Variants in TCTN2 observed in about 807,000 individuals in gnomAD.
TCTN2 encodes tectonic family member 2.
A neutral mutation model predicts 83.4 loss-of-function variants in TCTN2; 66 were observed. The observed-to-expected ratio is 0.79, with a 90% CI of 0.65 to 0.97. The LOEUF (loss-of-function observed/expected upper bound fraction) is 0.97, where lower values mean the gene tolerates loss of function less well. Ranked by LOEUF, TCTN2 falls within the 50% of genes least tolerant of loss-of-function variation. The probability of loss-of-function intolerance (pLI) is 0.00; values close to 1 mark genes in which losing one functional copy is unlikely to be tolerated. For missense variants in TCTN2, 794 were observed against 858.1 expected (o/e 0.93, Z 0.93); for synonymous variants, 301 against 326.7 (o/e 0.92, Z 0.85).
intron 5 of TCTN2, among the ~76,000 whole-genome samples, chr12:123,685,048 TC>T (rs1955947295): frequency 7.2e-6 from 1 of 138,820 alleles, no homozygotes. Context: ...AGACTCCATC[TC>T]AAAAAAAAAA....
chr12:123,689,698 C>T (rs965749405), intron 7 of TCTN2, among the ~76,000 whole-genome samples: 20 of 152,142 alleles, frequency 1.3e-4, no homozygotes, highest in African/African-American at 4.8e-4. Flanking sequence ...GTATAAAAAA[C>T]AATGGTTAGA....
chr12:123,695,259 A>G lies in TCTN2; in HGVS notation c.1274A>G (p.Tyr425Cys), dbSNP rs1304326508. The G allele has an allele frequency of 6.3e-7, 1 of 1,583,130 alleles. No homozygotes were observed. The highest frequency in any genetic ancestry group is 1.7e-5 in the Admixed American group (1 of 59,930). Residue 425 changes from tyrosine (Y) to cysteine (C), a missense_variant, in exon 11 of 18, where the codon TAT becomes TGT. Tyr to Cys is a radical substitution (Grantham distance 194). Transcript: ENST00000303372. Reference protein sequence around the residue: ...TQRFVVKFLSYNSGNEEELSG... With the variant: ...TQRFVVKFLSCNSGNEEELSG... Reference sequence around the variant, plus strand: ...AGATTTGTAGTAAAATTTTTAAGCTATAATAGTGGTAATGAAGAAGAATTA... The same window carrying G: ...AGATTTGTAGTAAAATTTTTAAGCTGTAATAGTGGTAATGAAGAAGAATTA...
intron 8 of TCTN2, among the ~76,000 whole-genome samples, chr12:123,691,875 G>A (rs1956046560): frequency 6.6e-6 from 1 of 150,762 alleles, no homozygotes; most frequent in Non-Finnish European, 1.5e-5. Context: ...GAGATTACAG[G>A]CATGTGCCAC....
At chr12:123,700,078 C>A (rs1956154629) in intron 14 of TCTN2, 2 of 528,240 alleles carry the variant, frequency 3.8e-6, no homozygotes, top group Non-Finnish European at 6.8e-6. Flanking sequence ...GTGGTGCAAT[C>A]ACAGCTCATT....
At chr12:123,690,464 G>A in intron 7 of TCTN2, 69 bp from the exon 8 acceptor site, 3 of 1,607,428 alleles carry the variant, frequency 1.9e-6, no homozygotes, top group Non-Finnish European at 2.6e-6. Context: ...CAGTTTTAAG[G>A]GATGCTGATC....
chr12:123,678,872 A>C lies in TCTN2; in HGVS notation c.464-317A>C, dbSNP rs113812036. ...GAGTATAGTGGCACGATCTCGGCTC[A>C]CTGCAAGCTCCGCCTCCCGGGTTCA... On this transcript the variant is annotated intron_variant, in intron 4 of 17. Transcript: ENST00000303372. 0.013 allele frequency among the ~76,000 whole-genome samples: 1,895 copies of C among 151,162 alleles called. 41 individuals are homozygous for C. Among genetic ancestry groups the C allele is most frequent in the African/African-American group, 0.043 (1,774 of 41,088 alleles).
chr12:123,694,844 A>G lies in TCTN2; in HGVS notation c.1102A>G (p.Thr368Ala). The change falls in exon 10 of 18, where the codon ACT becomes GCT. Residue 368 changes from threonine to alanine, a missense_variant and splice_region_variant. Coordinates refer to ENST00000303372, the MANE Select transcript of TCTN2 (RefSeq NM_024809.5). The part of the protein sequence containing the change: ...DLDKFITNTE[T>A]PLNNGSTPRI... ...TGAACATATTCTTGTATTTGCAGAA[A>G]CTCCTTTAAATAACGGATCAACCCC... The G allele has an allele frequency of 6.2e-7, 1 of 1,611,646 alleles. No individual in the cohort carries two copies. The highest frequency in any genetic ancestry group is 8.5e-7 in the Non-Finnish European group (1 of 1,178,270).
At position 123,707,761 on chromosome 12, in the gene TCTN2, G is replaced by A; in HGVS notation, c.*48G>A. On this transcript the variant is annotated 3_prime_UTR_variant, in exon 18 of 18. Transcript: ENST00000303372. Reference sequence around the variant, plus strand: ...TTTGAGATGGAGTTTTGCTCTTGTTGCCCAGGCTGAAGTGATCTCGGCTCA... The same window carrying A: ...TTTGAGATGGAGTTTTGCTCTTGTTACCCAGGCTGAAGTGATCTCGGCTCA... 6.8e-7 allele frequency: 1 copy of A among 1,471,098 alleles called. No homozygotes were observed. Among genetic ancestry groups the A allele is most frequent in the Non-Finnish European group, 9.5e-7 (1 of 1,051,582 alleles). 91.1% of individuals were successfully genotyped at this position (1,471,098 alleles called of 1,614,324 possible).
In TCTN2 at chr12:123,690,750, C is replaced by A. The variant is rs902740215; in HGVS notation, c.1033+76C>A. On this transcript the variant is annotated intron_variant, in intron 8 of 17. Coordinates refer to ENST00000303372, the MANE Select transcript of TCTN2 (RefSeq NM_024809.5). The stretch of plus-strand genomic sequence containing the variant: ...AGTATGATCTCATGAGAGTATAAAT[C>A]ATTTCTACTGGTTCAACTTCAAATA... The A allele has an allele frequency of 3.2e-6, 5 of 1,541,600 alleles. No homozygotes were observed. The South Asian group carries it at 3.4e-5, about 10-fold the overall frequency.
At chr12:123,704,430 G>A (rs1956205871) in intron 14 of TCTN2, 102 bp from the exon 15 acceptor site, 2 of 1,244,554 alleles carry the variant, frequency 1.6e-6, no homozygotes, top group South Asian at 1.3e-5. Context: ...CCTCATTAAT[G>A]TGATGCCTGC....
At chr12:123,700,678 GC>G (rs1956162994) in intron 14 of TCTN2, among the ~76,000 whole-genome samples, 1 of 152,238 alleles carries the variant, frequency 6.6e-6, no homozygotes, top group Non-Finnish European at 1.5e-5. Context: ...TGATCCACCT[GC>G]CTCGGCCTCC....
At chr12:123,674,208 G>T (rs1342868009) in intron 4 of TCTN2, among the ~76,000 whole-genome samples, 1 of 151,440 alleles carries the variant, frequency 6.6e-6, no homozygotes, top group Non-Finnish European at 1.5e-5. Flanking sequence ...TCTACTGTTT[G>T]CATCTTTATA....
intron 11 of TCTN2, 149 bp from the exon 12 acceptor site, chr12:123,696,266 C>G: frequency 1.5e-6 from 1 of 682,746 alleles, no homozygotes; most frequent in Non-Finnish European, 2.7e-6. Context: ...TTTTTGAGAC[C>G]CGAAGTTGCC....
In TCTN2 at chr12:123,704,004, C is replaced by CT. The variant is rs11348520; in HGVS notation, c.1613-507dup. On this transcript the variant is annotated intron_variant, in intron 14 of 17. Coordinates refer to ENST00000303372, the MANE Select transcript of TCTN2 (RefSeq NM_024809.5). ...AGTGACTGGCTAACATACAAGGAAA[C>CT]TTTTTTTTTTTTTTTTTTTTTGAGA... Among the ~76,000 whole-genome samples the CT allele has an allele frequency of 6.7e-3, 741 of 110,158 alleles. 6 individuals carry two copies. Among genetic ancestry groups the CT allele is most frequent in the East Asian group, 0.03 (129 of 4,304 alleles). 72.3% of individuals were successfully genotyped at this position (110,158 alleles called of 152,430 possible). A position where few individuals can be genotyped will look rare whatever the true frequency, so the allele number is the denominator to read the frequency against.
At chr12:123,704,004 CTTTT>C (rs11348520) in intron 14 of TCTN2, among the ~76,000 whole-genome samples, 133 of 110,180 alleles carry the variant, frequency 1.2e-3, no homozygotes, top group African/African-American at 4.4e-3. Context: ...TACAAGGAAA[CTTTT>C]TTTTTTTTTT....
rs781699024 is a variant in TCTN2, at chr12:123,696,439, G to A, written c.1337G>A (p.Arg446Gln). 23 of 1,613,948 alleles carry A rather than the reference G, an allele frequency of 1.4e-5. No homozygotes were observed. The highest frequency in any genetic ancestry group is 1.1e-4 in the East Asian group (5 of 44,894). Residue 446 changes from arginine (R) to glutamine (Q), a missense_variant, in exon 12 of 18, where the codon CGA becomes CAA. Coordinates refer to ENST00000303372, the MANE Select transcript of TCTN2 (RefSeq NM_024809.5). ...NPGYQLGKPV[R>Q]ALNINRMNNV... Reference sequence around the variant, plus strand: ...GGTTACCAACTTGGCAAGCCTGTCCGAGCTCTAAATATCAACAGGATGAAT... The same window carrying A: ...GGTTACCAACTTGGCAAGCCTGTCCAAGCTCTAAATATCAACAGGATGAAT...
intron 4 of TCTN2, among the ~76,000 whole-genome samples, chr12:123,675,608 A>G (rs1249145786): frequency 6.6e-6 from 1 of 152,208 alleles, no homozygotes; most frequent in African/African-American, 2.4e-5. Flanking sequence ...AAAGGCCTCC[A>G]TGATGAATGA....
At chr12:123,692,788 A>G (rs1956059320) in intron 9 of TCTN2, 65 bp downstream of exon 9, 4 of 1,241,820 alleles carry the variant, frequency 3.2e-6, no homozygotes, top group Admixed American at 3.4e-5. Context: ...TACAAGTAAT[A>G]TATACCCTCA....
At chr12:123,683,084 G>A (rs1348135073) in intron 5 of TCTN2, among the ~76,000 whole-genome samples, 4 of 151,264 alleles carry the variant, frequency 2.6e-5, no homozygotes, top group African/African-American at 7.3e-5. Flanking sequence ...TTAGCTGGAC[G>A]TGGTGGCCGG....
Sources: gnomAD v4.1 joint callset for allele counts (sites outside exome capture counted in the v4.1 genomes callset) on GRCh38, gnomAD v4.1.1 for gene constraint, MANE v1.5 for transcripts, NCBI Gene and HGNC (gene_info 2026-07-23, HGNC 2026-07-21) for gene names.